PCDHGA10: variants seen among roughly 807,000 people sequenced by gnomAD.
The protein encoded by PCDHGA10 is protocadherin gamma-A10.
Under a neutral mutation model 59.5 loss-of-function variants are expected in PCDHGA10, and 42 were observed. The observed-to-expected ratio is 0.71, with a 90% confidence interval of 0.55 to 0.91. The LOEUF is 0.91. Among genes scored for constraint, PCDHGA10 ranks in the 40% least tolerant of loss-of-function variants. The pLI is 0.00. For missense variants in PCDHGA10, 1,111 were observed against 1,198.2 expected (o/e 0.93, Z 1.07); for synonymous variants, 511 against 517.2 (o/e 0.99, Z 0.16).
At chr5:141,427,700 C>A in intron 1 of PCDHGA10, 3 of 945,490 alleles carry the variant, frequency 3.2e-6, no homozygotes, top group South Asian at 2.7e-5. Flanking sequence ...TCCCACAAGT[C>A]AGCGCCTCTG....
chr5:141,455,254 G>T (rs936599726), intron 1 of PCDHGA10, among the ~76,000 whole-genome samples: 3 of 151,732 alleles, frequency 2.0e-5, no homozygotes, highest in African/African-American at 7.3e-5. Context: ...TAGTACAATC[G>T]CATTTCTTCC....
At chr5:141,428,155 G>A (rs767716956) in intron 1 of PCDHGA10, 7 of 1,581,618 alleles carry the variant, frequency 4.4e-6, no homozygotes, top group East Asian at 2.2e-5. Flanking sequence ...ACGGGAACCT[G>A]CTGGTTGCTG....
intron 2 of PCDHGA10, among the ~76,000 whole-genome samples, chr5:141,495,601 G>C (rs1315613802): frequency 6.6e-6 from 1 of 152,004 alleles, no homozygotes; most frequent in Non-Finnish European, 1.5e-5. Context: ...CTTAGCTTCC[G>C]TCTTGATTGC....
rs769714220 is a variant in PCDHGA10, at chr5:141,414,844, C to T, written c.1669C>T (p.Leu557=). The stretch of plus-strand genomic sequence containing the variant: ...CAACGTGTCGTTGAGCCTGTTTGTG[C>T]TGGACCAGAACGACAATGCGCCCGA... ...SSNVSLSLFV[L]DQNDNAPEIL... Residue 557 remains leucine, a synonymous_variant, in exon 1 of 4, where the codon CTG becomes TTG. Transcript: ENST00000398610. 3 of 1,614,216 alleles carry T rather than the reference C, an allele frequency of 1.9e-6. No homozygotes were observed. The highest frequency in any genetic ancestry group is 2.2e-5 in the South Asian group (2 of 91,088).
intron 1 of PCDHGA10, chr5:141,416,335 C>A (rs573998059): frequency 6.6e-6 from 1 of 152,256 alleles, no homozygotes; most frequent in Non-Finnish European, 1.5e-5. Flanking sequence ...ACTTTCATTG[C>A]TCAATAGGGA....
intron 1 of PCDHGA10, chr5:141,421,377 C>T (rs1168242339): frequency 1.9e-6 from 3 of 1,613,924 alleles, no homozygotes; most frequent in South Asian, 1.1e-5. Context: ...GCAATATCTC[C>T]AAGGACCTGG....
chr5:141,440,481 T>C (rs1451820594), intron 1 of PCDHGA10: 1 of 152,196 alleles, frequency 6.6e-6, no homozygotes, highest in African/African-American at 2.4e-5. Context: ...GAAAATTCTT[T>C]AAATGTTTTT....
chr5:141,431,473 C>T lies in PCDHGA10; in HGVS notation c.2436+15862C>T, dbSNP rs750300971. ...TGATGGTTCTGGATGCGAACGACAA[C>T]GCACCAGCGTTTGCTCAGCCCGAGT... On this transcript the variant is annotated intron_variant, in intron 1 of 3. Coordinates refer to ENST00000398610, the MANE Select transcript of PCDHGA10 (RefSeq NM_018913.3). This position sits in a 1 kb window ranked among gnomAD's most constrained non-coding sequence, Gnocchi z 4.8. 4.3e-6 allele frequency: 7 copies of T among 1,613,832 alleles called. No individual in the cohort carries two copies. The Admixed American group carries it at 1.2e-4, about 27-fold the overall frequency.
intron 1 of PCDHGA10, chr5:141,417,670 A>T: frequency 1.1e-6 from 1 of 929,118 alleles, no homozygotes; most frequent in Admixed American, 3.2e-5. Context: ...TTCCCTGCGC[A>T]GCCAACAACA....
chr5:141,427,912 A>T (rs1268491054), intron 1 of PCDHGA10: 2 of 1,577,806 alleles, frequency 1.3e-6, no homozygotes, highest in Admixed American at 3.3e-5. Flanking sequence ...CTCAGCGCCA[A>T]CATGAGCCGG....
intron 1 of PCDHGA10, among the ~76,000 whole-genome samples, chr5:141,464,265 AAAAAAAAAAAAAGC>A (rs1446781862): frequency 7.4e-6 from 1 of 135,276 alleles, no homozygotes; most frequent in Non-Finnish European, 1.6e-5. Flanking sequence ...ACTCCGTCTA[AAAAAAAAAAAAAGC>A]AAAAAAAAAA....
intron 1 of PCDHGA10, 161 bp downstream of exon 1, chr5:141,415,772 T>C (rs540545854): frequency 4.5e-6 from 6 of 1,336,628 alleles, no homozygotes; most frequent in African/African-American, 1.8e-5. Context: ...TTTTTTTTTT[T>C]ACTTTCTGGT....
intron 2 of PCDHGA10, among the ~76,000 whole-genome samples, chr5:141,504,651 G>A (rs905210723): frequency 8.4e-6 from 1 of 119,750 alleles, no homozygotes; most frequent in Non-Finnish European, 1.6e-5. Flanking sequence ...ATGATAGAGT[G>A]TTTGAGGGCG....
intron 1 of PCDHGA10, 151 bp downstream of exon 1, chr5:141,415,762 T>TTTTG: frequency 2.1e-6 from 3 of 1,399,986 alleles, no homozygotes; most frequent in Non-Finnish European, 2.8e-6. Flanking sequence ...TTTTTTTTTT[T>TTTTG]TTTTTTTTTT....
At chr5:141,417,872 T>G (rs2096175848) in intron 1 of PCDHGA10, 5 of 1,555,026 alleles carry the variant, frequency 3.2e-6, no homozygotes, top group African/African-American at 1.4e-5. Flanking sequence ...GGGAGGGAGC[T>G]GCGCGCAGAG....
chr5:141,429,510 T>A (rs2097220128), intron 1 of PCDHGA10, among the ~76,000 whole-genome samples: 1 of 152,124 alleles, frequency 6.6e-6, no homozygotes, highest in African/African-American at 2.4e-5. Context: ...AAACTGTGCC[T>A]GGCAGAGAAA....
Position 141,431,151 on chromosome 5 carries a change from C to T in PCDHGA10, c.2436+15540C>T, listed in dbSNP as rs764416448. The T allele has an allele frequency of 6.2e-7, 1 of 1,614,126 alleles. No individual in the cohort carries two copies. Among genetic ancestry groups the T allele is most frequent in the African/African-American group, 1.3e-5 (1 of 74,954 alleles). On this transcript the variant is annotated intron_variant, in intron 1 of 3. Coordinates refer to ENST00000398610, the MANE Select transcript of PCDHGA10 (RefSeq NM_018913.3). The surrounding 1 kb of genome is among the most constrained non-coding windows in gnomAD (Gnocchi z 4.8). ...GTAAGGGACATTAACGACAATGCGC[C>T]TTACTTTCGTGAAAGTGAATTAGAA...
In PCDHGA10 at chr5:141,430,937, G is replaced by C. The variant is rs888990395; in HGVS notation, c.2436+15326G>C. ...CCTGGGGCTGGAGCCCCGGGAGCTC[G>C]CGGAGCGCGGAGTCCGCATCATCCC... On this transcript the variant is annotated intron_variant, in intron 1 of 3. Coordinates refer to ENST00000398610, the MANE Select transcript of PCDHGA10 (RefSeq NM_018913.3). The C allele has an allele frequency of 8.7e-6, 14 of 1,607,498 alleles. No individual in the cohort carries two copies. The highest frequency in any genetic ancestry group is 1.7e-5 in the Admixed American group (1 of 58,732).
intron 1 of PCDHGA10, among the ~76,000 whole-genome samples, chr5:141,482,530 CAA>C (rs3074545): frequency 2.5e-4 from 19 of 76,528 alleles, no homozygotes; most frequent in East Asian, 4.2e-4. Context: ...GACAGACATG[CAA>C]AAAAAAAAAA....
Sources: gnomAD v4.1 joint callset for allele counts (sites outside exome capture counted in the v4.1 genomes callset) on GRCh38, gnomAD v4.1.1 for gene constraint, Gnocchi (gnomAD v3.1) non-coding constraint, MANE v1.5 for transcripts, NCBI Gene and HGNC (gene_info 2026-07-23, HGNC 2026-07-21) for gene names.